Variants in MAPK4 observed in about 807,000 individuals in gnomAD.
MAPK4 encodes Erk3-related.
In MAPK4, 22 loss-of-function variants were observed where a neutral mutation model predicts 47.7. That is an observed-to-expected ratio of 0.46 (90% CI 0.33 to 0.66). The LOEUF is 0.66. Ranked by LOEUF, MAPK4 falls within the 30% of genes least tolerant of loss-of-function variation. MAPK4 has a pLI of 0.02. For synonymous variants in MAPK4, 390 were observed against 365.7 expected (o/e 1.07, Z -0.76); for missense variants, 736 against 831.7 (o/e 0.88, Z 1.42).
chr18:50,664,592 G>T lies in MAPK4; in HGVS notation c.546+88G>T, dbSNP rs1414616243. The T allele has an allele frequency of 8.6e-6, 12 of 1,396,652 alleles. No homozygotes were observed. Among genetic ancestry groups the T allele is most frequent in the African/African-American group, 1.4e-5 (1 of 69,868 alleles). 86.5% of individuals were successfully genotyped at this position (1,396,652 alleles called of 1,614,324 possible). A position where few individuals can be genotyped will look rare whatever the true frequency, so the allele number is the denominator to read the frequency against. On this transcript the variant is annotated intron_variant, in intron 2 of 5. Coordinates refer to ENST00000400384, the MANE Select transcript of MAPK4 (RefSeq NM_002747.4). The surrounding 1 kb of genome is among the most constrained non-coding windows in gnomAD (Gnocchi z 6.0). ...TTCCCAAGCTATTCCTAGCTCCATGGTAGTCAGAGGACTAGAGTTAGTAAT... is the reference window on the plus strand; with the variant it reads ...TTCCCAAGCTATTCCTAGCTCCATGTTAGTCAGAGGACTAGAGTTAGTAAT...
chr18:50,721,278 G>T (rs995013550), intron 3 of MAPK4, among the ~76,000 whole-genome samples: 2 of 152,262 alleles, frequency 1.3e-5, no homozygotes, highest in Non-Finnish European at 1.5e-5. Flanking sequence ...AGCAGTCAGC[G>T]TGATGCCTGG....
intron 1 of MAPK4, among the ~76,000 whole-genome samples, chr18:50,643,969 A>T (rs930700045): frequency 6.6e-6 from 1 of 151,702 alleles, no homozygotes; most frequent in Non-Finnish European, 1.5e-5. Context: ...GGTTATATTG[A>T]TGAAAAGATC....
At chr18:50,701,181 C>A (rs1401237514) in intron 2 of MAPK4, among the ~76,000 whole-genome samples, 1 of 150,176 alleles carries the variant, frequency 6.7e-6, no homozygotes, top group Non-Finnish European at 1.5e-5. Flanking sequence ...CCCACCCCCA[C>A]CCCCATCCTC....
At chr18:50,717,814 T>C (rs1193074160) in intron 3 of MAPK4, among the ~76,000 whole-genome samples, 1 of 152,156 alleles carries the variant, frequency 6.6e-6, no homozygotes, top group African/African-American at 2.4e-5. Flanking sequence ...GGTGTAATAA[T>C]TAGCTCATGG....
intron 1 of MAPK4, among the ~76,000 whole-genome samples, chr18:50,609,587 T>G (rs1365209577): frequency 6.6e-6 from 1 of 152,114 alleles, no homozygotes; most frequent in Non-Finnish European, 1.5e-5. Flanking sequence ...TTGATGATCA[T>G]GAGGATGTCA....
chr18:50,643,886 C>A (rs1417791105), intron 1 of MAPK4, among the ~76,000 whole-genome samples: 1 of 152,202 alleles, frequency 6.6e-6, no homozygotes, highest in African/African-American at 2.4e-5. Flanking sequence ...CAATTGAATT[C>A]TTTGCCTTTC....
chr18:50,684,923 C>T (rs144578600), intron 2 of MAPK4, among the ~76,000 whole-genome samples: 365 of 152,322 alleles, frequency 2.4e-3, no homozygotes, highest in African/African-American at 8.4e-3. Flanking sequence ...CTCCATGTTT[C>T]GGTGGCACCG....
At chr18:50,671,691 C>G (rs145312339) in intron 2 of MAPK4, among the ~76,000 whole-genome samples, 2 of 151,846 alleles carry the variant, frequency 1.3e-5, no homozygotes, top group Non-Finnish European at 2.9e-5. Flanking sequence ...GAGTTTGAGA[C>G]CAGCCTGGGC....
At chr18:50,696,527 G>T (rs921542135) in intron 2 of MAPK4, among the ~76,000 whole-genome samples, 5 of 152,138 alleles carry the variant, frequency 3.3e-5, no homozygotes, top group African/African-American at 9.7e-5. Flanking sequence ...TTGGAAAGAG[G>T]CAAATGAAAA....
chr18:50,601,112 A>AAAGAAG (rs79277976), intron 1 of MAPK4, among the ~76,000 whole-genome samples: 1 of 147,736 alleles, frequency 6.8e-6, no homozygotes, highest in African/African-American at 2.5e-5. Flanking sequence ...AAAAAAAAAA[A>AAAGAAG]AAGAAGAAGA....
intron 2 of MAPK4, among the ~76,000 whole-genome samples, chr18:50,701,708 C>T (rs561335484): frequency 3.0e-4 from 45 of 152,114 alleles, no homozygotes; most frequent in African/African-American, 9.9e-4. Context: ...TAATGAGTGT[C>T]GTTAATTCAA....
intron 1 of MAPK4, among the ~76,000 whole-genome samples, chr18:50,587,780 G>A (rs901095734): frequency 6.6e-6 from 1 of 152,174 alleles, no homozygotes; most frequent in African/African-American, 2.4e-5. Flanking sequence ...CCAGGCTGTA[G>A]TGCAGTGGCG....
At chr18:50,626,115 C>T (rs1393094978) in intron 1 of MAPK4, among the ~76,000 whole-genome samples, 1 of 152,138 alleles carries the variant, frequency 6.6e-6, no homozygotes, top group East Asian at 1.9e-4. Flanking sequence ...TCTATTAAGG[C>T]CTTCTACTGA....
intron 1 of MAPK4, among the ~76,000 whole-genome samples, chr18:50,620,995 G>A (rs1373661807): frequency 6.6e-6 from 1 of 152,066 alleles, no homozygotes; most frequent in Non-Finnish European, 1.5e-5. Flanking sequence ...GCCCTTGAAT[G>A]CTATTAAAGA....
In MAPK4 at chr18:50,715,328, T is replaced by A. The variant is rs867583858; in HGVS notation, c.691+105T>A. ...ATCACAAAACATGCTCATCTTTTGC[T>A]GAAATTACTTCTGTGGCTTTTATGA... On this transcript the variant is annotated intron_variant, in intron 3 of 5. Transcript: ENST00000400384. 3.8e-5 allele frequency: 51 copies of A among 1,338,142 alleles called. 3 individuals are homozygous for A. In the Middle Eastern group the frequency reaches 5.8e-3, roughly 152 times the overall value. The allele number at this position is 1,338,142 out of a possible 1,614,324, so 82.9% of individuals were successfully genotyped here.
intron 1 of MAPK4, among the ~76,000 whole-genome samples, chr18:50,584,899 G>A (rs531190749): frequency 2.0e-5 from 3 of 152,190 alleles, no homozygotes; most frequent in Admixed American, 6.5e-5. Flanking sequence ...TATCAGTAGC[G>A]TTAACTCCGG....
intron 1 of MAPK4, among the ~76,000 whole-genome samples, chr18:50,628,603 G>A (rs950067214): frequency 1.3e-5 from 2 of 152,222 alleles, no homozygotes; most frequent in Non-Finnish European, 2.9e-5. Flanking sequence ...TTATGTCAGT[G>A]TTTTTCAGAG....
chr18:50,610,699 G>A (rs1568044304), intron 1 of MAPK4, among the ~76,000 whole-genome samples: 1 of 152,190 alleles, frequency 6.6e-6, no homozygotes, highest in Non-Finnish European at 1.5e-5. Flanking sequence ...TTATTGTGCT[G>A]CCATTTCTTT....
chr18:50,707,244 G>A (rs1910105744), intron 2 of MAPK4, among the ~76,000 whole-genome samples: 1 of 152,134 alleles, frequency 6.6e-6, no homozygotes. Context: ...CATTGTTTAA[G>A]GGGGACAGAC....
Sources: allele counts gnomAD v4.1 joint callset (sites outside exome capture counted in the v4.1 genomes callset), GRCh38; gene constraint gnomAD v4.1.1; non-coding constraint Gnocchi (gnomAD v3.1); transcripts MANE v1.5; gene names NCBI Gene and HGNC (gene_info 2026-07-23, HGNC 2026-07-21).